MPPED2: variants seen among roughly 807,000 people sequenced by gnomAD.
The protein encoded by MPPED2 is metallophosphoesterase domain containing 2.
MPPED2 carries 5 observed loss-of-function variants against 33.0 expected under a neutral mutation model. That is an observed-to-expected ratio of 0.15 (90% confidence interval 0.08 to 0.32). MPPED2 has a LOEUF of 0.32. Among genes scored for constraint, MPPED2 ranks in the 10% least tolerant of loss-of-function variants. The pLI is 1.00. For synonymous variants in MPPED2, 136 were observed against 141.9 expected (o/e 0.96, Z 0.29); for missense variants, 275 against 372.1 (o/e 0.74, Z 2.15).
chr11:30,405,482 C>T (rs1746113377), downstream of MPPED2, among the ~76,000 whole-genome samples: 1 of 152,176 alleles, frequency 6.6e-6, no homozygotes, highest in Non-Finnish European at 1.5e-5. Flanking sequence ...TTCTCTCTCT[C>T]ACCATTATCC....
chr11:30,536,955 A>G (rs1954846026), intron 2 of MPPED2, among the ~76,000 whole-genome samples: 1 of 152,196 alleles, frequency 6.6e-6, no homozygotes, highest in Non-Finnish European at 1.5e-5. Flanking sequence ...GGATGTATAT[A>G]TCTACATATA....
At chr11:30,472,898 C>T (rs1386988251) in intron 4 of MPPED2, among the ~76,000 whole-genome samples, 2 of 152,130 alleles carry the variant, frequency 1.3e-5, no homozygotes, top group African/African-American at 4.8e-5. Context: ...CTACAATATA[C>T]ACATTTTACC....
chr11:30,406,303 G>A (rs1370522522), downstream of MPPED2, among the ~76,000 whole-genome samples: 1 of 152,138 alleles, frequency 6.6e-6, no homozygotes, highest in East Asian at 1.9e-4. Context: ...GATTATTTCT[G>A]AATGTCAAGC....
At chr11:30,438,683 T>C (rs369459195) in intron 4 of MPPED2, among the ~76,000 whole-genome samples, 1 of 152,234 alleles carries the variant, frequency 6.6e-6, no homozygotes, top group Non-Finnish European at 1.5e-5. Context: ...TGAAAGACAT[T>C]ACTATTCTCG....
downstream of MPPED2, among the ~76,000 whole-genome samples, chr11:30,407,691 G>C (rs1948011526): frequency 6.6e-6 from 1 of 152,012 alleles, no homozygotes; most frequent in Admixed American, 6.6e-5. Flanking sequence ...GGGCAACATG[G>C]GGAAATCCTG....
chr11:30,544,970 A>C (rs1565171151), intron 2 of MPPED2, among the ~76,000 whole-genome samples: 1 of 152,212 alleles, frequency 6.6e-6, no homozygotes. Context: ...CTAGAGAACT[A>C]TTAAGAGTGG....
exon 7 of MPPED2, chr11:30,386,437 T>C (rs1326257069): frequency 7.6e-6 from 2 of 263,462 alleles, no homozygotes; most frequent in East Asian, 6.6e-5. Flanking sequence ...TGGCTCAAGG[T>C]ATAGATTAGG....
chr11:30,452,383 G>A (rs1310818871), intron 4 of MPPED2, among the ~76,000 whole-genome samples: 2 of 152,186 alleles, frequency 1.3e-5, no homozygotes, highest in Non-Finnish European at 1.5e-5. Context: ...GGCCCATCCT[G>A]TGGCACCCAT....
At position 30,446,490 on chromosome 11, in the gene MPPED2, A is replaced by C. The variant is rs75876216; in HGVS notation, c.537-28857T>G. ...AACTCACTCCAAAGGGAAAAAAAAA[A>C]CAATACAAGTAAGCAGAAGAAACAG... On this transcript the variant is annotated intron_variant, in intron 4 of 6. Coordinates refer to ENST00000358117, the MANE Select transcript of MPPED2 (RefSeq NM_001584.3). Among the ~76,000 whole-genome samples, 449 of 152,250 alleles carry C rather than the reference A, an allele frequency of 2.9e-3. 16 individuals carry two copies. The East Asian group carries it at 0.074, about 25-fold the overall frequency.
chr11:30,429,916 T>C (rs1427506220), intron 4 of MPPED2, among the ~76,000 whole-genome samples: 1 of 152,198 alleles, frequency 6.6e-6, no homozygotes, highest in Non-Finnish European at 1.5e-5. Context: ...TCAAAATTAT[T>C]TCCTATCTCA....
intron 4 of MPPED2, among the ~76,000 whole-genome samples, chr11:30,480,415 C>T (rs551455328): frequency 4.6e-5 from 7 of 152,056 alleles, no homozygotes; most frequent in African/African-American, 1.7e-4. Flanking sequence ...TAATTACCAT[C>T]GCCGTGACTA....
At chr11:30,433,775 A>G (rs1261338244) in intron 4 of MPPED2, among the ~76,000 whole-genome samples, 1 of 152,196 alleles carries the variant, frequency 6.6e-6, no homozygotes, top group Non-Finnish European at 1.5e-5. Context: ...TTCAGAGGAA[A>G]TCTAGGCTTA....
exon 7 of MPPED2, chr11:30,386,780 A>G (rs1290378255): frequency 5.0e-6 from 2 of 398,482 alleles, no homozygotes; most frequent in African/African-American, 4.1e-5. Flanking sequence ...TGCATAGTCC[A>G]TGATTCTTGC....
chr11:30,466,866 T>C (rs1950728979), intron 4 of MPPED2, among the ~76,000 whole-genome samples: 1 of 152,218 alleles, frequency 6.6e-6, no homozygotes. Flanking sequence ...ATGCCAACTC[T>C]GGTAACAACG....
At position 30,502,687 on chromosome 11, in the gene MPPED2, AG is replaced by A. The variant is rs1272509237; in HGVS notation, c.311-7167del. Among the ~76,000 whole-genome samples, 3 of 152,326 alleles carry A rather than the reference AG, an allele frequency of 2.0e-5. No homozygotes were observed. In the East Asian group the frequency reaches 5.8e-4, roughly 29 times the overall value. On this transcript the variant is annotated intron_variant, in intron 3 of 6. Coordinates refer to ENST00000358117, the MANE Select transcript of MPPED2 (RefSeq NM_001584.3). The stretch of plus-strand genomic sequence containing the variant: ...ATAAATTCAAACACCTACATGGACT[AG>A]GGAGGTAAAGAAACAATGTGAATTG...
intron 4 of MPPED2, among the ~76,000 whole-genome samples, chr11:30,444,036 A>G (rs911979234): frequency 6.6e-6 from 1 of 152,238 alleles, no homozygotes; most frequent in African/African-American, 2.4e-5. Context: ...CAAGAGTTAA[A>G]GCCAAAAAAT....
chr11:30,493,595 C>A (rs1952094166), intron 4 of MPPED2, among the ~76,000 whole-genome samples: 3 of 143,622 alleles, frequency 2.1e-5, no homozygotes. Flanking sequence ...TATACACCCT[C>A]AAAAAAAAAA....
At chr11:30,461,131 T>C (rs1003058692) in intron 4 of MPPED2, among the ~76,000 whole-genome samples, 2 of 152,238 alleles carry the variant, frequency 1.3e-5, no homozygotes, top group African/African-American at 4.8e-5. Context: ...AAAGATTGAA[T>C]GATTTCCATT....
intron 4 of MPPED2, among the ~76,000 whole-genome samples, chr11:30,423,270 G>A (rs1292953704): frequency 6.6e-6 from 1 of 152,150 alleles, no homozygotes; most frequent in African/African-American, 2.4e-5. Flanking sequence ...CCTCAGGTGG[G>A]CTACTCAGGG....
Sources: gnomAD v4.1 joint callset for allele counts (sites outside exome capture counted in the v4.1 genomes callset) on GRCh38, gnomAD v4.1.1 for gene constraint, MANE v1.5 for transcripts, NCBI Gene and HGNC (gene_info 2026-07-23, HGNC 2026-07-21) for gene names.